The following RSRC1 variants were observed in gnomAD, a reference collection of about 807,000 sequenced individuals.
RSRC1 encodes the protein arginine and serine rich coiled-coil 1.
Under a neutral mutation model 49.1 loss-of-function variants are expected in RSRC1, and 39 were observed. That is an observed-to-expected ratio of 0.79 (90% CI 0.61 to 1.04). RSRC1 has a LOEUF of 1.04. RSRC1 is among the 50% of genes least tolerant of loss of function. RSRC1 has a pLI of 0.00. For missense variants in RSRC1, 388 were observed against 402.4 expected, an observed-to-expected ratio of 0.96 and a Z score of 0.31; for synonymous variants, 143 against 130.8, an observed-to-expected ratio of 1.09 and a Z score of -0.63.
intron 7 of RSRC1, among the ~76,000 whole-genome samples, chr3:158,510,049 C>T (rs936693084): frequency 6.6e-6 from 1 of 152,288 alleles, no homozygotes; most frequent in Non-Finnish European, 1.5e-5. Flanking sequence ...ACTCCCCTAA[C>T]TATTGCATAA....
intron 3 of RSRC1, among the ~76,000 whole-genome samples, chr3:158,141,434 C>T (rs1008991575): frequency 6.6e-6 from 1 of 152,172 alleles, no homozygotes. Context: ...AGTCCTAAAA[C>T]TCCATGGACC....
intron 5 of RSRC1, among the ~76,000 whole-genome samples, chr3:158,327,492 G>C (rs1197195345): frequency 2.6e-5 from 4 of 152,152 alleles, no homozygotes; most frequent in Admixed American, 6.5e-5. Flanking sequence ...ATTATGTATC[G>C]AGTAGTCATT....
At chr3:158,130,367 C>T (rs1373740135) in intron 3 of RSRC1, among the ~76,000 whole-genome samples, 1 of 152,118 alleles carries the variant, frequency 6.6e-6, no homozygotes, top group African/African-American at 2.4e-5. Context: ...AAATTTATTT[C>T]CACACTTTTT....
intron 4 of RSRC1, among the ~76,000 whole-genome samples, chr3:158,203,662 T>G (rs1177552386): frequency 6.6e-6 from 1 of 152,154 alleles, no homozygotes; most frequent in East Asian, 1.9e-4. Context: ...AGCGGAAAAG[T>G]ATAAAGTTGA....
At position 158,197,056 on chromosome 3, in the gene RSRC1, G is replaced by T. The variant is rs563388456; in HGVS notation, c.321-6016G>T. Among the ~76,000 whole-genome samples, 233 of 152,234 alleles carry T rather than the reference G, an allele frequency of 1.5e-3. 1 individual carries two copies. Among genetic ancestry groups the T allele is most frequent in the Non-Finnish European group, 2.4e-3 (164 of 68,018 alleles). ...TGATTCCCTCTTTTTCTATTGATTG[G>T]AATAGTTTCAGAAGGAATGGTATCA... On this transcript the variant is annotated intron_variant, in intron 3 of 9. Transcript: ENST00000611884.
At chr3:158,196,265 G>A (rs1042077561) in intron 3 of RSRC1, among the ~76,000 whole-genome samples, 4 of 151,898 alleles carry the variant, frequency 2.6e-5, no homozygotes, top group African/African-American at 9.7e-5. Context: ...TGAAGCAATT[G>A]TGAATGGGAG....
In RSRC1 at chr3:158,365,884, T is replaced by A. The variant is rs1434011822; in HGVS notation, c.583+10976T>A. 3.9e-5 allele frequency among the ~76,000 whole-genome samples: 6 copies of A among 152,216 alleles called. No individual in the cohort carries two copies. In the South Asian group the frequency reaches 1.2e-3, roughly 32 times the overall value. On this transcript the variant is annotated intron_variant, in intron 6 of 9. Transcript: ENST00000611884. The stretch of plus-strand genomic sequence containing the variant: ...ATCTCATTGTGGTTTTGATTTGCAT[T>A]TCTCTAATGACCATAGTGATGATGA...
At chr3:158,380,481 A>C (rs1732644235) in intron 6 of RSRC1, among the ~76,000 whole-genome samples, 1 of 152,220 alleles carries the variant, frequency 6.6e-6, no homozygotes, top group South Asian at 2.1e-4. Flanking sequence ...ATCTTTAAAC[A>C]ATTAAAAAAT....
chr3:158,511,443 G>C (rs1472250774), intron 7 of RSRC1, among the ~76,000 whole-genome samples: 1 of 152,130 alleles, frequency 6.6e-6, no homozygotes, highest in Non-Finnish European at 1.5e-5. Context: ...CCCTACAAAG[G>C]ACATGAACTC....
chr3:158,296,608 A>G (rs1450359364), intron 4 of RSRC1, among the ~76,000 whole-genome samples: 1 of 152,114 alleles, frequency 6.6e-6, no homozygotes, highest in Non-Finnish European at 1.5e-5. Context: ...TAAATGCATT[A>G]ATTTTGTAAT....
intron 6 of RSRC1, among the ~76,000 whole-genome samples, chr3:158,422,868 T>C (rs1735161062): frequency 1.3e-5 from 2 of 151,808 alleles, no homozygotes; most frequent in Admixed American, 6.6e-5. Flanking sequence ...GCTGCATAAA[T>C]GTCTTCTTTT....
intron 6 of RSRC1, among the ~76,000 whole-genome samples, chr3:158,391,490 T>C (rs1302141982): frequency 6.6e-6 from 1 of 152,176 alleles, no homozygotes; most frequent in Non-Finnish European, 1.5e-5. Flanking sequence ...TTGCTAGTAA[T>C]GGTATACCAA....
At chr3:158,474,039 T>C (rs920524995) in intron 7 of RSRC1, among the ~76,000 whole-genome samples, 3 of 152,126 alleles carry the variant, frequency 2.0e-5, no homozygotes, top group Admixed American at 1.3e-4. Context: ...ACAGCTTTGG[T>C]TGGAGTTTAT....
chr3:158,166,100 C>G (rs931187094), intron 3 of RSRC1, among the ~76,000 whole-genome samples: 2 of 152,106 alleles, frequency 1.3e-5, no homozygotes, highest in African/African-American at 4.8e-5. Flanking sequence ...TTTTTTGCAC[C>G]TATCCCCACA....
At chr3:158,256,422 G>A (rs1033540358) in intron 4 of RSRC1, among the ~76,000 whole-genome samples, 5 of 152,130 alleles carry the variant, frequency 3.3e-5, no homozygotes, top group African/African-American at 1.2e-4. Context: ...ACTTGATCGT[G>A]GTGGAAAAGC....
chr3:158,259,254 C>G (rs1157938043), intron 4 of RSRC1, among the ~76,000 whole-genome samples: 10 of 152,146 alleles, frequency 6.6e-5, no homozygotes, highest in Admixed American at 6.5e-4. Flanking sequence ...GTGTTGCACT[C>G]TATGTCTTTG....
chr3:158,510,307 T>A (rs1740087126), intron 7 of RSRC1, among the ~76,000 whole-genome samples: 2 of 152,216 alleles, frequency 1.3e-5, no homozygotes, highest in South Asian at 4.1e-4. Flanking sequence ...GTTTATCTTT[T>A]ACTAGTTCTT....
chr3:158,308,253 G>A (rs931734820), intron 5 of RSRC1, among the ~76,000 whole-genome samples: 1 of 151,894 alleles, frequency 6.6e-6, no homozygotes, highest in East Asian at 1.9e-4. Flanking sequence ...TTGCACCAGT[G>A]GTTTGTACGC....
At chr3:158,394,048 A>G (rs567623665) in intron 6 of RSRC1, among the ~76,000 whole-genome samples, 1 of 152,270 alleles carries the variant, frequency 6.6e-6, no homozygotes, top group East Asian at 1.9e-4. Flanking sequence ...GAACTAAAAC[A>G]GAAACCACAT....
Sources: gnomAD v4.1 joint callset for allele counts (sites outside exome capture counted in the v4.1 genomes callset) on GRCh38, gnomAD v4.1.1 for gene constraint, MANE v1.5 for transcripts, NCBI Gene and HGNC (gene_info 2026-07-23, HGNC 2026-07-21) for gene names.